The following ARHGAP6 variants were observed in gnomAD, a reference collection of about 807,000 sequenced individuals.
The protein encoded by ARHGAP6 is Rho GTPase activating protein 6.
Under a neutral mutation model 55.7 loss-of-function variants are expected in ARHGAP6, and 16 were observed. The observed-to-expected ratio is 0.29, with a 90% CI of 0.19 to 0.44. The LOEUF (loss-of-function observed/expected upper bound fraction) is 0.44, where lower values mean the gene tolerates loss of function less well. ARHGAP6 is among the 20% of genes least tolerant of loss of function. The pLI, the probability that ARHGAP6 is intolerant of heterozygous loss-of-function variation, is 1.00. For synonymous variants in ARHGAP6, 382 were observed against 360.9 expected (o/e 1.06, Z -0.66); for missense variants, 698 against 808.9 (o/e 0.86, Z 1.66).
chrX:11,428,303 G>A (rs915264173), intron 1 of ARHGAP6, among the ~76,000 whole-genome samples: 3 of 111,626 alleles, frequency 2.7e-5, no homozygotes, highest in African/African-American at 9.8e-5. Context: ...GAGAACTGCT[G>A]CGGGGACAAG....
chrX:11,348,344 A>G (rs1040414465), intron 1 of ARHGAP6, among the ~76,000 whole-genome samples: 8 of 112,343 alleles, frequency 7.1e-5, no homozygotes, highest in African/African-American at 2.3e-4. Context: ...ACAGAGTGGG[A>G]AGTACAAATG....
intron 1 of ARHGAP6, among the ~76,000 whole-genome samples, chrX:11,344,820 C>T (rs769135252): frequency 1.8e-5 from 2 of 110,587 alleles, no homozygotes; most frequent in African/African-American, 3.3e-5. Context: ...TACAAAGGTC[C>T]AGCCAAGACT....
intron 9 of ARHGAP6, among the ~76,000 whole-genome samples, chrX:11,156,896 C>A (rs959430608): frequency 2.7e-5 from 3 of 112,459 alleles, no homozygotes; most frequent in Non-Finnish European, 3.8e-5. Context: ...GCCTTTATTG[C>A]TCAGGTTAGA....
intron 1 of ARHGAP6, among the ~76,000 whole-genome samples, chrX:11,344,292 C>T (rs1161977540): frequency 9.0e-6 from 1 of 111,578 alleles, no homozygotes; most frequent in Non-Finnish European, 1.9e-5. Context: ...TCAGATGTCC[C>T]CTTGCGGGGG....
chrX:11,469,046 A>T (rs990297760), intron 1 of ARHGAP6, among the ~76,000 whole-genome samples: 3 of 112,666 alleles, frequency 2.7e-5, no homozygotes, highest in African/African-American at 9.7e-5. Context: ...TAGTAGACAC[A>T]GAATCTGCCA....
intron 6 of ARHGAP6, 84 bp downstream of exon 6, chrX:11,181,979 G>T (rs1602798752): frequency 1.1e-5 from 8 of 744,202 alleles, no homozygotes; most frequent in Non-Finnish European, 1.6e-5. Flanking sequence ...AATCAAAATG[G>T]AATTTGCATA....
At chrX:11,359,516 G>A (rs989366329) in intron 1 of ARHGAP6, among the ~76,000 whole-genome samples, 1 of 111,990 alleles carries the variant, frequency 8.9e-6, no homozygotes, top group Non-Finnish European at 1.9e-5. Context: ...TAAAAGGCTT[G>A]CTAAAAATGT....
chrX:11,356,880 A>T (rs892520453), intron 1 of ARHGAP6, among the ~76,000 whole-genome samples: 4 of 112,358 alleles, frequency 3.6e-5, no homozygotes, highest in African/African-American at 1.3e-4. Context: ...TTCATATTTA[A>T]CACAAAATAT....
chrX:11,481,647 G>A (rs1466738358), intron 1 of ARHGAP6, among the ~76,000 whole-genome samples: 1 of 112,729 alleles, frequency 8.9e-6, no homozygotes, highest in African/African-American at 3.2e-5. Flanking sequence ...CCTGGTTTTG[G>A]ATAAAGAACA....
chrX:11,522,663 A>G lies in ARHGAP6; in HGVS notation c.588+141578T>C, dbSNP rs1042730269. 2.0e-4 allele frequency among the ~76,000 whole-genome samples: 22 copies of G among 111,715 alleles called. 1 individual carries two copies. The highest frequency in any genetic ancestry group is 4.6e-3 in the Middle Eastern group (1 of 218). On this transcript the variant is annotated intron_variant, in intron 1 of 12. Coordinates refer to ENST00000337414, the MANE Select transcript of ARHGAP6 (RefSeq NM_013427.3). ...GAAATGGATAAATTCCTGGGCACAT[A>G]CACCCTCCTAAGACTAATCCATGAG...
chrX:11,346,268 T>C (rs2048782810), intron 1 of ARHGAP6, among the ~76,000 whole-genome samples: 1 of 111,773 alleles, frequency 8.9e-6, no homozygotes, highest in Admixed American at 9.5e-5. Flanking sequence ...CAGTATTAAT[T>C]TAACACAGCC....
chrX:11,516,742 T>C (rs113316441), intron 1 of ARHGAP6, among the ~76,000 whole-genome samples: 1 of 112,015 alleles, frequency 8.9e-6, no homozygotes, highest in African/African-American at 3.2e-5. Flanking sequence ...TTTTAAAACA[T>C]ATTTTGCTCA....
chrX:11,493,602 C>A (rs2050593083), intron 1 of ARHGAP6, among the ~76,000 whole-genome samples: 1 of 111,089 alleles, frequency 9.0e-6, no homozygotes. Flanking sequence ...GGGGTATGGA[C>A]AATAGGGTCG....
intron 1 of ARHGAP6, among the ~76,000 whole-genome samples, chrX:11,480,353 T>A (rs1297283681): frequency 2.7e-5 from 3 of 111,839 alleles, no homozygotes; most frequent in Non-Finnish European, 5.6e-5. Context: ...AATCACATAC[T>A]GTATAATTCC....
chrX:11,440,303 A>T (rs2050027824), intron 1 of ARHGAP6, among the ~76,000 whole-genome samples: 1 of 112,370 alleles, frequency 8.9e-6, no homozygotes, highest in Non-Finnish European at 1.9e-5. Context: ...TAAAATTTTT[A>T]AAAATCCAAC....
intron 1 of ARHGAP6, among the ~76,000 whole-genome samples, chrX:11,307,071 C>T (rs1231042812): frequency 9.0e-6 from 1 of 110,881 alleles, no homozygotes; most frequent in African/African-American, 3.3e-5. Context: ...GGATGGAAAA[C>T]AAAGAAACGC....
At chrX:11,319,356 A>T (rs2048401037) in intron 1 of ARHGAP6, among the ~76,000 whole-genome samples, 1 of 111,874 alleles carries the variant, frequency 8.9e-6, no homozygotes, top group African/African-American at 3.2e-5. Flanking sequence ...AATCCTCTGG[A>T]GGGCTTGTTA....
chrX:11,557,915 G>A (rs12012304), intron 1 of ARHGAP6, among the ~76,000 whole-genome samples: 40,468 of 110,619 alleles, frequency 0.37, 5,629 homozygotes, highest in African/African-American at 0.49. Flanking sequence ...TGTATGAGAA[G>A]TAACTCAGCC....
chrX:11,485,873 C>T (rs1038680878), intron 1 of ARHGAP6, among the ~76,000 whole-genome samples: 4 of 111,831 alleles, frequency 3.6e-5, no homozygotes, highest in Non-Finnish European at 7.5e-5. Context: ...TGGGTGGGTG[C>T]CTTACTGCCT....
Sources: gnomAD v4.1 joint callset for allele counts (sites outside exome capture counted in the v4.1 genomes callset) on GRCh38, gnomAD v4.1.1 for gene constraint, MANE v1.5 for transcripts, NCBI Gene and HGNC (gene_info 2026-07-23, HGNC 2026-07-21) for gene names.